The following TSC22D1 variants were observed in gnomAD, a reference collection of about 807,000 sequenced individuals.
TSC22D1 encodes TSC22 domain family protein 1.
TSC22D1 carries 9 observed loss-of-function variants against 74.2 expected under a neutral mutation model. That is an observed-to-expected ratio of 0.12 (90% CI 0.07 to 0.21). The LOEUF (loss-of-function observed/expected upper bound fraction) is 0.21, where lower values mean the gene tolerates loss of function less well. Ranked by LOEUF, TSC22D1 falls within the 10% of genes least tolerant of loss-of-function variation. The pLI, the probability that TSC22D1 is intolerant of heterozygous loss-of-function variation, is 1.00. For missense variants in TSC22D1, 1,427 were observed against 1,304.7 expected (o/e 1.09, Z -1.44); for synonymous variants, 586 against 492.5 (o/e 1.19, Z -2.51).
rs112613609 is a variant in TSC22D1 at position 44,574,569 on chromosome 13, T to TTGC, written c.1503_1505dup (p.Gln509dup). 306 of 1,608,738 alleles carry TTGC rather than the reference T, an allele frequency of 1.9e-4. No individual in the cohort carries two copies. Among genetic ancestry groups the TTGC allele is most frequent in the Middle Eastern group, 1.3e-3 (8 of 6,040 alleles). ...CTGGTTGTTGCTGTTGTTGTTGTTG[T>TTGC]TGCTGCTGCTGCTGCTGCACCACCA... On this transcript the variant is annotated inframe_insertion, in exon 1 of 3. Coordinates refer to ENST00000458659, the MANE Select transcript of TSC22D1 (RefSeq NM_183422.4).
chr13:44,574,340 G>C lies in TSC22D1; in HGVS notation c.1735C>G (p.Pro579Ala), dbSNP rs747365237. 12 of 1,614,260 alleles carry C rather than the reference G, an allele frequency of 7.4e-6. No individual in the cohort carries two copies. The highest frequency in any genetic ancestry group is 1.0e-5 in the Non-Finnish European group (12 of 1,180,054). Residue 579 changes from proline (P) to alanine (A), a missense_variant, in exon 1 of 3, where the codon CCA becomes GCA. Transcript: ENST00000458659. Reference sequence around the variant, plus strand: ...ACACCAACCACATTTACAGGCGATGGCTGGATACCAGTTGCAGCACTCATA... The same window carrying C: ...ACACCAACCACATTTACAGGCGATGCCTGGATACCAGTTGCAGCACTCATA... Reference protein sequence around the residue: ...ATMSAATGIQPSPVNVVGVTS... With the variant: ...ATMSAATGIQASPVNVVGVTS...
At chr13:44,453,504 A>T (rs1876326091) in intron 1 of TSC22D1, among the ~76,000 whole-genome samples, 1 of 152,244 alleles carries the variant, frequency 6.6e-6, no homozygotes, top group South Asian at 2.1e-4. Flanking sequence ...TTATTACTTG[A>T]TGCAATAAAG....
At chr13:44,451,279 A>ACTCT (rs967650091) in intron 1 of TSC22D1, 1 of 152,072 alleles carries the variant, frequency 6.6e-6, no homozygotes, top group Non-Finnish European at 1.5e-5. Context: ...CAGCACAGAG[A>ACTCT]CTCTGCCCCT....
In TSC22D1 at chr13:44,573,320, G is replaced by A. The variant is rs1202104770; in HGVS notation, c.2755C>T (p.Pro919Ser). 1.9e-6 allele frequency: 3 copies of A among 1,614,262 alleles called. No individual in the cohort carries two copies. The highest frequency in any genetic ancestry group is 4.5e-5 in the East Asian group (2 of 44,888). The part of the protein sequence containing the change: ...QIEDARRAAE[P>S]SLVGLPQTIS... Reference sequence around the variant, plus strand: ...GTCTGAGGTAAGCCAACTAAGGAGGGCTCCGCTGCACGCCTGGCATCTTCA... The same window carrying A: ...GTCTGAGGTAAGCCAACTAAGGAGGACTCCGCTGCACGCCTGGCATCTTCA... Residue 919 changes from proline to serine, a missense_variant, in exon 1 of 3, where the codon CCC becomes TCC. By Grantham distance (74) the Pro-to-Ser change is moderately conservative. Around this residue, in one of 3 missense-constraint regions of TSC22D1, gnomAD observed 1,343 missense variants for 1,191.5 expected, o/e 1.13. Transcript: ENST00000458659.
chr13:44,540,942 A>G (rs1307156759), intron 1 of TSC22D1, among the ~76,000 whole-genome samples: 2 of 152,192 alleles, frequency 1.3e-5, no homozygotes, highest in African/African-American at 2.4e-5. Flanking sequence ...CTTATTCTAA[A>G]TATAAAGGTG....
chr13:44,512,810 C>T (rs1879799100), intron 1 of TSC22D1, among the ~76,000 whole-genome samples: 1 of 151,972 alleles, frequency 6.6e-6, no homozygotes, highest in South Asian at 2.1e-4. Context: ...CCATCACGCC[C>T]AGCTAATTAT....
intron 1 of TSC22D1, among the ~76,000 whole-genome samples, chr13:44,444,297 A>G (rs1343703113): frequency 5.6e-5 from 8 of 143,110 alleles, no homozygotes; most frequent in Non-Finnish European, 9.2e-5. Context: ...AAAAAAAAAA[A>G]AAAAAAAAAA....
chr13:44,549,603 T>C (rs902331143), intron 1 of TSC22D1, among the ~76,000 whole-genome samples: 1 of 151,434 alleles, frequency 6.6e-6, no homozygotes, highest in Non-Finnish European at 1.5e-5. Context: ...TGAAATCCTA[T>C]CTCTACAAAA....
At chr13:44,546,381 A>C (rs1206885934) in intron 1 of TSC22D1, among the ~76,000 whole-genome samples, 3 of 152,186 alleles carry the variant, frequency 2.0e-5, no homozygotes, top group Non-Finnish European at 2.9e-5. Flanking sequence ...GATGGATCAC[A>C]ATCATGTACC....
intron 1 of TSC22D1, among the ~76,000 whole-genome samples, chr13:44,491,302 C>T (rs1878703552): frequency 6.6e-6 from 1 of 152,118 alleles, no homozygotes; most frequent in South Asian, 2.1e-4. Flanking sequence ...GCCTGTAATC[C>T]CAGCACTTTG....
At chr13:44,454,463 A>G (rs915961695) in intron 1 of TSC22D1, among the ~76,000 whole-genome samples, 1 of 152,190 alleles carries the variant, frequency 6.6e-6, no homozygotes, top group African/African-American at 2.4e-5. Flanking sequence ...AACGTTATCA[A>G]CACCACTGAA....
intron 1 of TSC22D1, among the ~76,000 whole-genome samples, chr13:44,547,982 T>C (rs1881942395): frequency 1.3e-5 from 2 of 152,150 alleles, no homozygotes; most frequent in South Asian, 4.1e-4. Context: ...ATGCATTTTA[T>C]ATATATTGCC....
At chr13:44,572,415 C>T (rs995905510) in intron 1 of TSC22D1, among the ~76,000 whole-genome samples, 3 of 152,112 alleles carry the variant, frequency 2.0e-5, no homozygotes, top group African/African-American at 7.2e-5. Context: ...TATTTTCACG[C>T]CTCTATAAAT....
At chr13:44,525,795 CA>C (rs59399056) in intron 1 of TSC22D1, among the ~76,000 whole-genome samples, 2,219 of 88,570 alleles carry the variant, frequency 0.025, 18 homozygotes, top group African/African-American at 0.032. Context: ...TAGCTTTTAA[CA>C]AAAAAAAAAA....
At chr13:44,523,037 A>G (rs377488576) in intron 1 of TSC22D1, among the ~76,000 whole-genome samples, 39 of 148,106 alleles carry the variant, frequency 2.6e-4, no homozygotes, top group Admixed American at 8.8e-4. Flanking sequence ...ATAATAGAGA[A>G]AAAAAAAAAA....
intron 1 of TSC22D1, among the ~76,000 whole-genome samples, chr13:44,458,112 A>T (rs1349114191): frequency 1.3e-5 from 2 of 152,234 alleles, no homozygotes; most frequent in African/African-American, 2.4e-5. Context: ...ATATTCTATC[A>T]AATCTGATCC....
chr13:44,435,939 G>C (rs750475122), intron 2 of TSC22D1, 105 bp downstream of exon 2: 27 of 1,176,974 alleles, frequency 2.3e-5, no homozygotes, highest in Non-Finnish European at 3.1e-5. Context: ...CGCGCATCAA[G>C]AGCAATCATC....
In TSC22D1 at chr13:44,576,203, CTCCTCA is replaced by C. The variant is rs1884234250; in HGVS notation, c.-135_-130del. The C allele has an allele frequency of 1.5e-6, 2 of 1,330,550 alleles. No individual in the cohort carries two copies. Among genetic ancestry groups the C allele is most frequent in the Admixed American group, 5.9e-5 (2 of 33,872 alleles). The allele number at this position is 1,330,550 out of a possible 1,614,324, so 82.4% of individuals were successfully genotyped here. ...CCTGGCGCGATTCCTCCTTCTCCTC[CTCCTCA>C]GCCAAAGGCGCCGGTCGCTCCTGCC... On this transcript the variant is annotated 5_prime_UTR_variant, in exon 1 of 3. Coordinates refer to ENST00000458659, the MANE Select transcript of TSC22D1 (RefSeq NM_183422.4).
chr13:44,489,206 C>CA (rs34867283), intron 1 of TSC22D1, among the ~76,000 whole-genome samples: 57,626 of 134,454 alleles, frequency 0.43, 12,150 homozygotes, highest in Non-Finnish European at 0.49. Flanking sequence ...TCATTTCATG[C>CA]AAAAAAAAAA....
Sources: allele counts gnomAD v4.1 joint callset (sites outside exome capture counted in the v4.1 genomes callset), GRCh38; gene constraint gnomAD v4.1.1; regional missense constraint gnomAD v4.1.1; transcripts MANE v1.5; gene names NCBI Gene and HGNC (gene_info 2026-07-23, HGNC 2026-07-21).